GPM6A: variants seen among roughly 807,000 people sequenced by gnomAD.
The protein encoded by GPM6A is neuronal membrane glycoprotein M6-a.
A neutral mutation model predicts 32.1 loss-of-function variants in GPM6A; 7 were observed. That is an observed-to-expected ratio of 0.22 (90% CI 0.12 to 0.41). The LOEUF (loss-of-function observed/expected upper bound fraction) is 0.41, where lower values mean the gene tolerates loss of function less well. GPM6A is among the 10% of genes least tolerant of loss of function. The pLI is 1.00. For synonymous variants in GPM6A, 130 were observed against 123.4 expected (o/e 1.05, Z -0.35); for missense variants, 235 against 347.2 (o/e 0.68, Z 2.57).
intron 1 of GPM6A, among the ~76,000 whole-genome samples, chr4:175,712,121 A>C (rs191457487): frequency 9.8e-5 from 15 of 152,366 alleles, no homozygotes; most frequent in African/African-American, 2.9e-4. Context: ...AAGGAAGAAC[A>C]ACCACCACAA....
chr4:175,846,948 CAAAT>C (rs1243887057), intron 1 of GPM6A, among the ~76,000 whole-genome samples: 1 of 151,982 alleles, frequency 6.6e-6, no homozygotes, highest in East Asian at 1.9e-4. Context: ...AGGTCAAAAA[CAAAT>C]AAGAATTTTG....
At chr4:175,778,349 G>A (rs1238170588) in intron 1 of GPM6A, among the ~76,000 whole-genome samples, 2 of 151,966 alleles carry the variant, frequency 1.3e-5, no homozygotes, top group African/African-American at 4.8e-5. Context: ...AAACTCTGTA[G>A]GGGGCCTAGG....
intron 1 of GPM6A, among the ~76,000 whole-genome samples, chr4:175,709,055 T>C (rs1471149373): frequency 1.3e-5 from 2 of 152,230 alleles, no homozygotes; most frequent in African/African-American, 4.8e-5. Flanking sequence ...ATCTGTTTGC[T>C]AAATTCAATT....
At chr4:175,816,705 G>A (rs566011855), upstream of GPM6A, among the ~76,000 whole-genome samples, 1 of 152,136 alleles carries the variant, frequency 6.6e-6, no homozygotes, top group Non-Finnish European at 1.5e-5. Context: ...TTTATTCTAC[G>A]TCAAATGTTT....
At chr4:175,943,809 G>T (rs543240516) in intron 1 of GPM6A, among the ~76,000 whole-genome samples, 1 of 152,138 alleles carries the variant, frequency 6.6e-6, no homozygotes, top group African/African-American at 2.4e-5. Flanking sequence ...TTTTCGCATC[G>T]ATGTTCATCA....
intron 1 of GPM6A, among the ~76,000 whole-genome samples, chr4:175,705,456 T>C (rs1336334584): frequency 1.3e-5 from 2 of 152,226 alleles, no homozygotes; most frequent in African/African-American, 2.4e-5. Context: ...AGATCCTAAC[T>C]ATCCCCACTC....
intron 1 of GPM6A, among the ~76,000 whole-genome samples, chr4:175,848,061 C>G (rs554572391): frequency 8.0e-4 from 122 of 152,322 alleles, no homozygotes; most frequent in African/African-American, 2.8e-3. Flanking sequence ...CTTCATTTCT[C>G]TTTGCCTACC....
chr4:175,925,212 T>C lies in GPM6A; in HGVS notation c.-23+77097A>G, dbSNP rs1214678474. On this transcript the variant is annotated intron_variant, in intron 1 of 7. Transcript: ENST00000280187. ...GGTAACGGAATACAATGATTTACGATGTGAAACTGGAAATGGGTGTTTACA... is the reference window on the plus strand; with the variant it reads ...GGTAACGGAATACAATGATTTACGACGTGAAACTGGAAATGGGTGTTTACA... Among the ~76,000 whole-genome samples the C allele has an allele frequency of 3.3e-5, 5 of 152,356 alleles. No homozygotes were observed. The South Asian group carries it at 6.2e-4, about 19-fold the overall frequency.
At chr4:175,724,553 A>AT (rs1746307241) in intron 1 of GPM6A, among the ~76,000 whole-genome samples, 3 of 152,064 alleles carry the variant, frequency 2.0e-5, no homozygotes, top group African/African-American at 2.4e-5. Flanking sequence ...TCAAAAAAAA[A>AT]ATTTTTTTTA....
chr4:175,734,707 A>G (rs922949712), intron 1 of GPM6A, among the ~76,000 whole-genome samples: 2 of 152,040 alleles, frequency 1.3e-5, no homozygotes. Context: ...CCCTGTCTCT[A>G]CTAAAAATAC....
At chr4:175,725,918 A>G (rs958863156) in intron 1 of GPM6A, among the ~76,000 whole-genome samples, 12 of 152,074 alleles carry the variant, frequency 7.9e-5, no homozygotes, top group Admixed American at 4.6e-4. Flanking sequence ...ATTAACTTCT[A>G]TAGCAAGATA....
At chr4:175,815,053 C>A (rs1196476383), upstream of GPM6A, among the ~76,000 whole-genome samples, 1 of 152,078 alleles carries the variant, frequency 6.6e-6, no homozygotes, top group East Asian at 1.9e-4. Flanking sequence ...TTCTTTTGCC[C>A]AGGCCAGAGT....
intron 1 of GPM6A, among the ~76,000 whole-genome samples, chr4:175,908,282 A>G (rs1419668333): frequency 6.6e-6 from 1 of 152,132 alleles, no homozygotes; most frequent in Non-Finnish European, 1.5e-5. Flanking sequence ...CACAAATCCC[A>G]ACATACTAAT....
chr4:175,853,352 C>T (rs751513354), intron 1 of GPM6A, among the ~76,000 whole-genome samples: 1 of 151,922 alleles, frequency 6.6e-6, no homozygotes, highest in East Asian at 1.9e-4. Context: ...CAGGAAAGTA[C>T]TAACAAAAGA....
intron 1 of GPM6A, among the ~76,000 whole-genome samples, chr4:175,894,877 T>C (rs1737750925): frequency 6.6e-6 from 1 of 152,200 alleles, no homozygotes; most frequent in African/African-American, 2.4e-5. Flanking sequence ...TATCACATCA[T>C]GCATCTACTA....
chr4:175,790,693 G>A (rs1331599043), intron 1 of GPM6A, among the ~76,000 whole-genome samples: 1 of 152,070 alleles, frequency 6.6e-6, no homozygotes, highest in African/African-American at 2.4e-5. Flanking sequence ...GAAGGCATAG[G>A]GAAAGTTGTA....
chr4:175,731,049 T>C (rs1338188592), intron 1 of GPM6A, among the ~76,000 whole-genome samples: 8 of 152,262 alleles, frequency 5.3e-5, no homozygotes, highest in Admixed American at 4.6e-4. Context: ...TCTGATTGCA[T>C]CTCCATTGGC....
intron 6 of GPM6A, among the ~76,000 whole-genome samples, chr4:175,638,526 T>C (rs990304175): frequency 3.9e-5 from 6 of 152,142 alleles, no homozygotes; most frequent in African/African-American, 1.2e-4. Context: ...AAATACATAA[T>C]ATATAAATTT....
rs116113603 is a variant in GPM6A, at chr4:175,669,030, C to T, written c.387+4650G>A. Among the ~76,000 whole-genome samples, 1,328 of 152,246 alleles carry T rather than the reference C, an allele frequency of 8.7e-3. 21 individuals are homozygous for T. The highest frequency in any genetic ancestry group is 0.03 in the African/African-American group (1,262 of 41,544). On this transcript the variant is annotated intron_variant, in intron 3 of 6. Coordinates refer to ENST00000393658, the MANE Select transcript of GPM6A (RefSeq NM_201591.3). ...GTCAGTCATCCTCTCCAGGAGGCAGCTTCTTCATCTCTGAAATGAGGATAA... is the reference window on the plus strand; with the variant it reads ...GTCAGTCATCCTCTCCAGGAGGCAGTTTCTTCATCTCTGAAATGAGGATAA...
Sources: allele counts gnomAD v4.1 joint callset (sites outside exome capture counted in the v4.1 genomes callset), GRCh38; gene constraint gnomAD v4.1.1; transcripts MANE v1.5; gene names NCBI Gene and HGNC (gene_info 2026-07-23, HGNC 2026-07-21).